The following BRINP2 variants were observed in gnomAD, a reference collection of about 807,000 sequenced individuals.
The protein encoded by BRINP2 is BMP/retinoic acid-inducible neural-specific protein 2.
In BRINP2, 21 loss-of-function variants were observed where a neutral mutation model predicts 69.2. The ratio of observed to expected loss-of-function variants is 0.30; its 90% CI spans 0.22 to 0.44. The LOEUF is 0.44. Ranked by LOEUF, BRINP2 falls within the 20% of genes least tolerant of loss-of-function variation. BRINP2 has a pLI of 1.00. For missense variants in BRINP2, 877 were observed against 986.0 expected (o/e 0.89, Z 1.48); for synonymous variants, 380 against 394.1 (o/e 0.96, Z 0.42).
intron 1 of BRINP2, 81 bp downstream of exon 1, chr1:177,171,813 G>A (rs1462568840): frequency 1.3e-5 from 2 of 152,162 alleles, no homozygotes; most frequent in Admixed American, 6.5e-5. Flanking sequence ...GGACCATTTT[G>A]CTCTCATACA....
At position 177,256,454 on chromosome 1, in the gene BRINP2, G is replaced by A. The variant is rs895794313; in HGVS notation, c.460+345G>A. ...TCTAATGTTTGCTGTGGCTACAATG[G>A]TCAGACCCACAGGCAAAAAAGTCGA... On this transcript the variant is annotated intron_variant, in intron 3 of 7. Transcript: ENST00000361539. The A allele has an allele frequency of 1.2e-5, 12 of 985,270 alleles. No homozygotes were observed. The African/African-American group carries it at 1.7e-4, about 14-fold the overall frequency. 61.0% of individuals were successfully genotyped at this position (985,270 alleles called of 1,614,324 possible).
intron 2 of BRINP2, among the ~76,000 whole-genome samples, chr1:177,253,178 T>C (rs906584547): frequency 4.6e-5 from 7 of 152,056 alleles, no homozygotes; most frequent in Non-Finnish European, 1.0e-4. Flanking sequence ...TGTATTAGAG[T>C]TCCCCTTTCT....
intron 1 of BRINP2, among the ~76,000 whole-genome samples, chr1:177,175,798 C>A (rs1648072246): frequency 6.6e-6 from 1 of 152,198 alleles, no homozygotes; most frequent in Non-Finnish European, 1.5e-5. Flanking sequence ...TGCTGTCACC[C>A]TTGTTTCCTG....
intron 1 of BRINP2, among the ~76,000 whole-genome samples, chr1:177,197,822 GC>G (rs1266761593): frequency 6.6e-6 from 1 of 152,160 alleles, no homozygotes; most frequent in Non-Finnish European, 1.5e-5. Flanking sequence ...TGGATGAAGA[GC>G]AGGTGATCGG....
At chr1:177,276,083 G>A (rs1207784100) in intron 5 of BRINP2, 115 bp from the exon 6 acceptor site, 10 of 968,428 alleles carry the variant, frequency 1.0e-5, no homozygotes, top group Admixed American at 5.6e-5. Context: ...CCCATGCTTG[G>A]GCCCAGGATG....
intron 1 of BRINP2, among the ~76,000 whole-genome samples, chr1:177,180,255 C>T (rs1648206218): frequency 6.6e-6 from 1 of 152,176 alleles, no homozygotes; most frequent in Non-Finnish European, 1.5e-5. Flanking sequence ...TGGGCTCTTG[C>T]CCCTGCACCA....
intron 2 of BRINP2, among the ~76,000 whole-genome samples, chr1:177,237,239 T>G (rs112425411): frequency 6.6e-6 from 1 of 152,348 alleles, no homozygotes; most frequent in African/African-American, 2.4e-5. Context: ...ATCTCCTTCG[T>G]GCAATGCATT....
At chr1:177,233,380 C>T (rs1022993122) in intron 2 of BRINP2, among the ~76,000 whole-genome samples, 5 of 152,108 alleles carry the variant, frequency 3.3e-5, no homozygotes, top group Admixed American at 6.5e-5. Flanking sequence ...AGTAATAGTG[C>T]CTATCTAATG....
Position 177,260,248 on chromosome 1 carries a change from G to C in BRINP2, c.669+2864G>C, listed in dbSNP as rs147393507. 2.1e-3 allele frequency among the ~76,000 whole-genome samples: 313 copies of C among 152,292 alleles called. 1 individual carries two copies. Among genetic ancestry groups the C allele is most frequent in the Non-Finnish European group, 3.9e-3 (267 of 68,030 alleles). ...AGGAAGAGAACTGAAATAAAACGTA[G>C]AGCCTGAAGATGTGACTGAATTGCT... On this transcript the variant is annotated intron_variant, in intron 4 of 7. Transcript: ENST00000361539.
chr1:177,207,441 C>T (rs886626227), intron 1 of BRINP2, among the ~76,000 whole-genome samples: 6 of 152,040 alleles, frequency 3.9e-5, no homozygotes, highest in South Asian at 4.2e-4. Flanking sequence ...CATGTAAGGG[C>T]GGGCATGTGG....
At chr1:177,217,429 T>C (rs866840677) in intron 1 of BRINP2, among the ~76,000 whole-genome samples, 53 of 152,274 alleles carry the variant, frequency 3.5e-4, no homozygotes, top group African/African-American at 1.2e-3. Flanking sequence ...GTTTAATCTG[T>C]ATCTTCTTGA....
In BRINP2 at chr1:177,210,058, A is replaced by C. The variant is rs369473292; in HGVS notation, c.-76-19743A>C. 2.3e-4 allele frequency among the ~76,000 whole-genome samples: 35 copies of C among 152,320 alleles called. 1 individual carries two copies. The highest frequency in any genetic ancestry group is 7.9e-4 in the African/African-American group (33 of 41,566). On this transcript the variant is annotated intron_variant, in intron 1 of 7. Transcript: ENST00000361539. ...GGGTTGTTGGAATAGAACAGTGCGT[A>C]CTTTTATTATCATTACAGGAGAGAA...
chr1:177,272,054 T>C (rs1651345607), intron 4 of BRINP2, among the ~76,000 whole-genome samples: 1 of 152,194 alleles, frequency 6.6e-6, no homozygotes, highest in Non-Finnish European at 1.5e-5. Context: ...GCTAGACACA[T>C]GCACTATGCA....
rs915318225 is a variant in BRINP2, at chr1:177,239,254, T to C, written c.269+9109T>C. Among the ~76,000 whole-genome samples, 4 of 152,246 alleles carry C rather than the reference T, an allele frequency of 2.6e-5. No homozygotes were observed. The East Asian group carries it at 5.8e-4, about 22-fold the overall frequency. On this transcript the variant is annotated intron_variant, in intron 2 of 7. Coordinates refer to ENST00000361539, the MANE Select transcript of BRINP2 (RefSeq NM_021165.4). ...TCTCTTTCCACAAGAGTTTTCCATC[T>C]GTGCTTAGGCTCCGGGGAACCCTGA...
At chr1:177,221,830 C>T (rs545855750) in intron 1 of BRINP2, among the ~76,000 whole-genome samples, 1 of 152,244 alleles carries the variant, frequency 6.6e-6, no homozygotes, top group African/African-American at 2.4e-5. Context: ...CCAAAGCAAC[C>T]GCATAATCAA....
intron 2 of BRINP2, among the ~76,000 whole-genome samples, chr1:177,232,248 C>T (rs1025563249): frequency 4.6e-5 from 7 of 152,144 alleles, no homozygotes; most frequent in Non-Finnish European, 2.9e-5. Context: ...AGTTTTCTTC[C>T]GGACAGCCTG....
At chr1:177,225,869 C>T (rs1024136770) in intron 1 of BRINP2, among the ~76,000 whole-genome samples, 3 of 152,186 alleles carry the variant, frequency 2.0e-5, no homozygotes, top group Non-Finnish European at 4.4e-5. Flanking sequence ...ATCAGTGAAG[C>T]GGAAACCATA....
At chr1:177,212,535 ACT>A (rs374357640) in intron 1 of BRINP2, among the ~76,000 whole-genome samples, 4,058 of 150,296 alleles carry the variant, frequency 0.027, 67 homozygotes, top group Non-Finnish European at 0.042. Flanking sequence ...ACAGAGCAAG[ACT>A]CTGTCTCAAA....
At chr1:177,194,718 A>G (rs1441574463) in intron 1 of BRINP2, among the ~76,000 whole-genome samples, 1 of 151,928 alleles carries the variant, frequency 6.6e-6, no homozygotes, top group Non-Finnish European at 1.5e-5. Flanking sequence ...TGTCTCATAC[A>G]CATTTGCATA....
Sources: allele counts gnomAD v4.1 joint callset (sites outside exome capture counted in the v4.1 genomes callset), GRCh38; gene constraint gnomAD v4.1.1; transcripts MANE v1.5; gene names NCBI Gene and HGNC (gene_info 2026-07-23, HGNC 2026-07-21).